GALNTL6: variants seen among roughly 807,000 people sequenced by gnomAD.
GALNTL6 encodes polypeptide N-acetylgalactosaminyltransferase-like 6.
A neutral mutation model predicts 73.7 loss-of-function variants in GALNTL6; 46 were observed. The ratio of observed to expected loss-of-function variants is 0.62; its 90% CI spans 0.49 to 0.80. GALNTL6 has a LOEUF of 0.80. Ranked by LOEUF, GALNTL6 falls within the 30% of genes least tolerant of loss-of-function variation. GALNTL6 has a pLI of 0.00. For synonymous variants in GALNTL6, 259 were observed against 263.7 expected, an observed-to-expected ratio of 0.98 and a Z score of 0.17; for missense variants, 604 against 755.0, an observed-to-expected ratio of 0.80 and a Z score of 2.34.
intron 5 of GALNTL6, among the ~76,000 whole-genome samples, chr4:172,691,787 C>T (rs1482198943): frequency 6.6e-6 from 1 of 152,208 alleles, no homozygotes; most frequent in Non-Finnish European, 1.5e-5. Flanking sequence ...CTGTGATAGT[C>T]TCTCATACTC....
At chr4:171,834,395 C>T (rs970618088) in intron 2 of GALNTL6, among the ~76,000 whole-genome samples, 1 of 151,902 alleles carries the variant, frequency 6.6e-6, no homozygotes, top group Non-Finnish European at 1.5e-5. Context: ...TTCCTTATTA[C>T]AACATTGCTT....
intron 2 of GALNTL6, among the ~76,000 whole-genome samples, chr4:172,160,049 T>C (rs921998053): frequency 6.6e-6 from 1 of 151,984 alleles, no homozygotes; most frequent in African/African-American, 2.4e-5. Flanking sequence ...GAGGGAGAAA[T>C]GATTTACTGG....
chr4:172,414,014 A>G (rs2111348950), intron 5 of GALNTL6, among the ~76,000 whole-genome samples: 1 of 152,260 alleles, frequency 6.6e-6, no homozygotes, highest in South Asian at 2.1e-4. Context: ...GAAGTTCGGT[A>G]TCTTCAAAAA....
chr4:172,528,916 G>A (rs2110839483), intron 5 of GALNTL6, among the ~76,000 whole-genome samples: 1 of 119,702 alleles, frequency 8.4e-6, no homozygotes, highest in African/African-American at 3.1e-5. Flanking sequence ...TTGTGCAGAT[G>A]AGGAAACTGC....
At chr4:172,571,438 G>A (rs1245291628) in intron 5 of GALNTL6, among the ~76,000 whole-genome samples, 1 of 152,112 alleles carries the variant, frequency 6.6e-6, no homozygotes. Flanking sequence ...TAATCCAGGA[G>A]TCTAACTCAA....
chr4:172,302,758 T>C (rs1320442538), intron 3 of GALNTL6, among the ~76,000 whole-genome samples: 2 of 152,170 alleles, frequency 1.3e-5, no homozygotes, highest in Non-Finnish European at 2.9e-5. Flanking sequence ...CTTTTAAAAA[T>C]AGATATAGGA....
At chr4:171,829,408 G>C (rs1264433141) in intron 2 of GALNTL6, among the ~76,000 whole-genome samples, 3 of 152,078 alleles carry the variant, frequency 2.0e-5, no homozygotes, top group African/African-American at 7.2e-5. Flanking sequence ...TACAGCTTCA[G>C]ATAAAAGCTT....
At chr4:172,893,934 C>T (rs1178090241) in intron 8 of GALNTL6, among the ~76,000 whole-genome samples, 12 of 152,146 alleles carry the variant, frequency 7.9e-5, no homozygotes, top group Non-Finnish European at 7.4e-5. Flanking sequence ...GGAGCTCCTT[C>T]ACTCGCCCCT....
chr4:172,317,309 C>T (rs2054685), intron 4 of GALNTL6, among the ~76,000 whole-genome samples: 23,613 of 152,036 alleles, frequency 0.16, 1,949 homozygotes, highest in East Asian at 0.19. Context: ...AGTCCAATTG[C>T]GTTTTGAATG....
chr4:172,656,928 A>ATTTTT (rs5864145), intron 5 of GALNTL6, among the ~76,000 whole-genome samples: 1 of 150,572 alleles, frequency 6.6e-6, no homozygotes, highest in Non-Finnish European at 1.5e-5. Context: ...GAAGGACATT[A>ATTTTT]TTTTTTTTTT....
intron 2 of GALNTL6, among the ~76,000 whole-genome samples, chr4:171,853,465 TTTC>T (rs968180898): frequency 4.6e-5 from 7 of 151,568 alleles, no homozygotes; most frequent in East Asian, 3.9e-4. Context: ...TGTTCATTCT[TTTC>T]TTTTTTTTCT....
At chr4:173,022,307 A>C (rs964801632) in intron 12 of GALNTL6, among the ~76,000 whole-genome samples, 1 of 152,222 alleles carries the variant, frequency 6.6e-6, no homozygotes, top group African/African-American at 2.4e-5. Context: ...GAAGGGAAAA[A>C]TCGTGTGTGT....
chr4:172,710,402 G>C (rs974025698), intron 5 of GALNTL6, among the ~76,000 whole-genome samples: 1 of 152,184 alleles, frequency 6.6e-6, no homozygotes, highest in Non-Finnish European at 1.5e-5. Flanking sequence ...AAGAAAAGAG[G>C]AAGTTAAAAT....
At position 172,480,489 on chromosome 4, in the gene GALNTL6, T is replaced by G. The variant is rs185767187; in HGVS notation, c.553+131800T>G. On this transcript the variant is annotated intron_variant, in intron 5 of 12. Coordinates refer to ENST00000506823, the MANE Select transcript of GALNTL6 (RefSeq NM_001034845.3). ...TAGTTGAAATCAATTGAGCTATTATTTATTAAGTAACTACGATGTAAAAGA... is the reference window on the plus strand; with the variant it reads ...TAGTTGAAATCAATTGAGCTATTATGTATTAAGTAACTACGATGTAAAAGA... Among the ~76,000 whole-genome samples, 12 of 152,336 alleles carry G rather than the reference T, an allele frequency of 7.9e-5. No individual in the cohort carries two copies. The East Asian group carries it at 2.3e-3, about 29-fold the overall frequency.
chr4:171,829,326 C>G (rs1482675138), intron 2 of GALNTL6, among the ~76,000 whole-genome samples: 2 of 152,158 alleles, frequency 1.3e-5, no homozygotes, highest in Non-Finnish European at 2.9e-5. Flanking sequence ...ACCCTCACAG[C>G]AGCCAGAGCT....
At position 172,809,551 on chromosome 4, in the gene GALNTL6, G is replaced by A; in HGVS notation, c.739+5G>A. Reference sequence around the variant, plus strand: ...ACTGGCTGCCCCCACTCCTCAGTGAGTACAGGTTGCTAAGCACCATCCTGG... The same window carrying A: ...ACTGGCTGCCCCCACTCCTCAGTGAATACAGGTTGCTAAGCACCATCCTGG... On this transcript the variant is annotated splice_donor_5th_base_variant and intron_variant, in intron 6 of 12. Coordinates refer to ENST00000506823, the MANE Select transcript of GALNTL6 (RefSeq NM_001034845.3). The surrounding 1 kb of genome is among the most constrained non-coding windows in gnomAD (Gnocchi z 4.4). 6.2e-7 allele frequency: 1 copy of A among 1,604,676 alleles called. No homozygotes were observed. The highest frequency in any genetic ancestry group is 8.5e-7 in the Non-Finnish European group (1 of 1,175,134).
intron 2 of GALNTL6, among the ~76,000 whole-genome samples, chr4:172,217,954 A>G (rs1427639261): frequency 6.6e-6 from 1 of 151,970 alleles, no homozygotes; most frequent in African/African-American, 2.4e-5. Flanking sequence ...TCCCCTTTGT[A>G]TTTGGGCTTC....
At chr4:171,903,050 A>C (rs528675062) in intron 2 of GALNTL6, among the ~76,000 whole-genome samples, 1 of 152,276 alleles carries the variant, frequency 6.6e-6, no homozygotes, top group Non-Finnish European at 1.5e-5. Flanking sequence ...AAAACATCAA[A>C]TGGAAGCTCA....
At chr4:172,276,857 TTAAAATA>T (rs1436322561) in intron 3 of GALNTL6, among the ~76,000 whole-genome samples, 1 of 152,174 alleles carries the variant, frequency 6.6e-6, no homozygotes, top group African/African-American at 2.4e-5. Flanking sequence ...TAAAATGTAT[TTAAAATA>T]TAGATTATTT....
Sources: allele counts gnomAD v4.1 joint callset (sites outside exome capture counted in the v4.1 genomes callset), GRCh38; gene constraint gnomAD v4.1.1; non-coding constraint Gnocchi (gnomAD v3.1); transcripts MANE v1.5; gene names NCBI Gene and HGNC (gene_info 2026-07-23, HGNC 2026-07-21).